ZFR: variants seen among roughly 807,000 people sequenced by gnomAD.
ZFR encodes the protein zinc finger RNA binding protein.
ZFR carries 19 observed loss-of-function variants against 130.7 expected under a neutral mutation model. The ratio of observed to expected loss-of-function variants is 0.15; its 90% CI spans 0.10 to 0.21. The LOEUF (loss-of-function observed/expected upper bound fraction) is 0.21, where lower values mean the gene tolerates loss of function less well. Among genes scored for constraint, ZFR ranks in the 10% least tolerant of loss-of-function variants. ZFR has a pLI of 1.00. For synonymous variants in ZFR, 466 were observed against 456.9 expected (o/e 1.02, Z -0.25); for missense variants, 872 against 1,321.5 (o/e 0.66, Z 5.27).
At chr5:32,410,121 G>T (rs902994958) in intron 5 of ZFR, among the ~76,000 whole-genome samples, 14 of 150,952 alleles carry the variant, frequency 9.3e-5, no homozygotes, top group African/African-American at 3.2e-4. Flanking sequence ...CCTAGGCAGT[G>T]TGGTGAAACC....
At chr5:32,407,820 A>G (rs1031563414) in intron 5 of ZFR, among the ~76,000 whole-genome samples, 2 of 152,214 alleles carry the variant, frequency 1.3e-5, no homozygotes, top group African/African-American at 4.8e-5. Context: ...AGCTGTTTAT[A>G]TAATATATAC....
chr5:32,379,072 A>G, intron 17 of ZFR, 43 bp downstream of exon 17: 2 of 1,416,930 alleles, frequency 1.4e-6, no homozygotes, highest in Non-Finnish European at 1.0e-6. Flanking sequence ...CTGCAGAATT[A>G]TTTCCTACAT....
rs58380702 is a variant in ZFR at position 32,399,274 on chromosome 5, CAAACAAAAACAA to C, written c.1713+721_1713+732del. The stretch of plus-strand genomic sequence containing the variant: ...TGGGTGGCAGAATAAGACTCTGTCT[CAAACAAAAACAA>C]AAACAAAAACAAAAACAAAAACAAA... On this transcript the variant is annotated intron_variant, in intron 9 of 19. Transcript: ENST00000265069. Among the ~76,000 whole-genome samples the C allele has an allele frequency of 3.8e-3, 564 of 147,922 alleles. 2 individuals carry two copies. The highest frequency in any genetic ancestry group is 0.015 in the East Asian group (73 of 4,864).
At chr5:32,397,195 G>A (rs749256609) in intron 10 of ZFR, 24 bp downstream of exon 10, 14 of 1,577,536 alleles carry the variant, frequency 8.9e-6, no homozygotes, top group Admixed American at 5.7e-5. Context: ...TTTTAAAGAA[G>A]GTAATAGCTG....
chr5:32,395,147 T>G lies in ZFR; in HGVS notation c.1979+12A>C. 1.3e-6 allele frequency: 2 copies of G among 1,579,476 alleles called. No homozygotes were observed. Among genetic ancestry groups the G allele is most frequent in the Non-Finnish European group, 1.7e-6 (2 of 1,166,154 alleles). On this transcript the variant is annotated intron_variant, in intron 11 of 19. Transcript: ENST00000265069. ...AACCACTTACCAGGCTATTAAAAGT[T>G]AAAGATATTACCTCATTTCCATTCT...
intron 2 of ZFR, among the ~76,000 whole-genome samples, chr5:32,434,125 G>A (rs648600): frequency 0.41 from 62,628 of 152,124 alleles, 13,092 homozygotes; most frequent in East Asian, 0.56. Context: ...TAGCAAAATA[G>A]GATATTCTGG....
At chr5:32,409,017 T>C (rs1753642429) in intron 5 of ZFR, among the ~76,000 whole-genome samples, 1 of 152,238 alleles carries the variant, frequency 6.6e-6, no homozygotes, top group Non-Finnish European at 1.5e-5. Flanking sequence ...ATATTGGAGT[T>C]AGGGGGTCCT....
Position 32,418,310 on chromosome 5 carries a change from G to C in ZFR, c.421-518C>G, listed in dbSNP as rs1023691785. On this transcript the variant is annotated intron_variant, in intron 3 of 19. Transcript: ENST00000265069. ...TCAAAAGCATTTCAAGCAGCATGTT[G>C]AACTTTTACAATCAGAACAATCACC... 2.0e-5 allele frequency among the ~76,000 whole-genome samples: 3 copies of C among 151,086 alleles called. No individual in the cohort carries two copies. In the East Asian group the frequency reaches 5.8e-4, roughly 29 times the overall value.
intron 7 of ZFR, 82 bp from the exon 8 acceptor site, chr5:32,403,479 T>C: frequency 6.7e-7 from 1 of 1,484,134 alleles, no homozygotes; most frequent in Non-Finnish European, 9.0e-7. Flanking sequence ...AAAATGAAAA[T>C]CTAAACCATG....
intron 2 of ZFR, among the ~76,000 whole-genome samples, chr5:32,440,969 A>G (rs1300778587): frequency 3.9e-5 from 6 of 152,138 alleles, no homozygotes; most frequent in African/African-American, 1.2e-4. Context: ...AAGAGCTGGA[A>G]TTACTTTTAT....
chr5:32,360,991 T>A (rs1056008224), intron 19 of ZFR, among the ~76,000 whole-genome samples: 65 of 152,258 alleles, frequency 4.3e-4, no homozygotes, highest in African/African-American at 1.4e-3. Flanking sequence ...ATTAAAAAAA[T>A]TTTTTATAGA....
intron 2 of ZFR, among the ~76,000 whole-genome samples, chr5:32,434,318 C>CTGCTT (rs1754286279): frequency 2.6e-5 from 4 of 152,184 alleles, no homozygotes; most frequent in Non-Finnish European, 4.4e-5. Context: ...TATACAATTT[C>CTGCTT]AACATTATCA....
intron 10 of ZFR, among the ~76,000 whole-genome samples, chr5:32,396,337 A>G (rs1227679642): frequency 6.6e-6 from 1 of 152,200 alleles, no homozygotes; most frequent in Non-Finnish European, 1.5e-5. Context: ...GGGGTTAAAA[A>G]GTTTCTTTAC....
At chr5:32,404,540 G>A (rs1207267732) in intron 6 of ZFR, among the ~76,000 whole-genome samples, 2 of 152,102 alleles carry the variant, frequency 1.3e-5, no homozygotes, top group African/African-American at 4.8e-5. Context: ...AAACAGCTAT[G>A]TTTATAAAAC....
chr5:32,402,977 T>G, intron 8 of ZFR, 129 bp downstream of exon 8: 1 of 865,514 alleles, frequency 1.2e-6, no homozygotes, highest in Non-Finnish European at 1.8e-6. Context: ...GGCAGATATG[T>G]GAAGAAACAA....
At position 32,411,714 on chromosome 5, in the gene ZFR, G is replaced by GGGGGGGGA. The variant is rs138920140; in HGVS notation, c.784+3254_784+3255insTCCCCCCC. ...AAAAAAAAAAAAAAAAATTGAGGGG[G>GGGGGGGGA]GGCGGGGAATAGAAAATATAATACA... On this transcript the variant is annotated intron_variant, in intron 5 of 19. Coordinates refer to ENST00000265069, the MANE Select transcript of ZFR (RefSeq NM_016107.5). Among the ~76,000 whole-genome samples the GGGGGGGGA allele has an allele frequency of 2.7e-3, 147 of 54,602 alleles. 3 individuals carry two copies. Among genetic ancestry groups the GGGGGGGGA allele is most frequent in the East Asian group, 3.4e-3 (7 of 2,042 alleles). The allele number at this position is 54,602 out of a possible 152,430, so 35.8% of individuals were successfully genotyped here. A position where few individuals can be genotyped will look rare whatever the true frequency, so the allele number is the denominator to read the frequency against.
chr5:32,405,545 C>T (rs375249001), intron 6 of ZFR, among the ~76,000 whole-genome samples: 8 of 152,308 alleles, frequency 5.3e-5, no homozygotes, highest in South Asian at 2.1e-4. Context: ...ATCACCCAAG[C>T]GTCACGCTGT....
At chr5:32,367,021 T>C (rs1752562472) in intron 17 of ZFR, among the ~76,000 whole-genome samples, 1 of 151,964 alleles carries the variant, frequency 6.6e-6, no homozygotes, top group Admixed American at 6.6e-5. Flanking sequence ...GTTTCCCCAG[T>C]AGCTGAGACT....
chr5:32,433,017 C>T (rs1361822009), intron 2 of ZFR, among the ~76,000 whole-genome samples: 1 of 152,082 alleles, frequency 6.6e-6, no homozygotes, highest in Non-Finnish European at 1.5e-5. Context: ...TAGACATGAA[C>T]CACTGTGCCC....
Sources: allele counts gnomAD v4.1 joint callset (sites outside exome capture counted in the v4.1 genomes callset), GRCh38; gene constraint gnomAD v4.1.1; transcripts MANE v1.5; gene names NCBI Gene and HGNC (gene_info 2026-07-23, HGNC 2026-07-21).